The following PI4KA variants were observed in gnomAD, a reference collection of about 807,000 sequenced individuals.
PI4KA encodes the protein PI4-kinase alpha.
A neutral mutation model predicts 271.4 loss-of-function variants in PI4KA; 122 were observed. The observed-to-expected ratio is 0.45, with a 90% CI of 0.39 to 0.52. The LOEUF (loss-of-function observed/expected upper bound fraction) is 0.52, where lower values mean the gene tolerates loss of function less well. Among genes scored for constraint, PI4KA ranks in the 20% least tolerant of loss-of-function variants. PI4KA has a pLI of 0.00. For missense variants in PI4KA, 1,969 were observed against 2,769.1 expected, an observed-to-expected ratio of 0.71 and a Z score of 6.48; for synonymous variants, 1,041 against 1,078.8, an observed-to-expected ratio of 0.96 and a Z score of 0.69.
chr22:20,843,661 G>C (rs1925875379), intron 1 of PI4KA, among the ~76,000 whole-genome samples: 1 of 152,186 alleles, frequency 6.6e-6, no homozygotes, highest in Non-Finnish European at 1.5e-5. Flanking sequence ...GATGCAACCA[G>C]CAAACGTTCA....
chr22:20,729,842 T>G (rs756784242), intron 37 of PI4KA, 50 bp downstream of exon 37: 1 of 1,611,492 alleles, frequency 6.2e-7, no homozygotes, highest in East Asian at 2.2e-5. Flanking sequence ...AGCTTGCAAC[T>G]AGAATGATAG....
chr22:20,820,046 C>T (rs1922433326), intron 5 of PI4KA, 146 bp from the exon 6 acceptor site: 4 of 720,148 alleles, frequency 5.6e-6, no homozygotes, highest in Non-Finnish European at 9.2e-6. Flanking sequence ...ATAATGGGGT[C>T]CACCCCAAGG....
At chr22:20,805,193 T>G (rs1412920862) in intron 10 of PI4KA, 28 bp from the exon 11 acceptor site, 10 of 1,555,210 alleles carry the variant, frequency 6.4e-6, no homozygotes, top group Non-Finnish European at 8.9e-6. Flanking sequence ...GCATCACAGC[T>G]GGGAACAAAA....
rs1302187008 is a variant in PI4KA at position 20,747,433 on chromosome 22, T to C, written c.3363+150A>G. The C allele has an allele frequency of 8.6e-6, 6 of 697,434 alleles. No homozygotes were observed. In the East Asian group the frequency reaches 1.1e-4, roughly 13 times the overall value. 43.2% of individuals were successfully genotyped at this position (697,434 alleles called of 1,614,324 possible). ...CCTCTTCTTTGGGCCAAGGTGCGGC[T>C]TGCACCACTACCATTGTCAACAGAC... On this transcript the variant is annotated intron_variant, in intron 29 of 54. Transcript: ENST00000255882.
intron 22 of PI4KA, among the ~76,000 whole-genome samples, chr22:20,763,200 C>T (rs1932176177): frequency 6.6e-6 from 1 of 151,478 alleles, no homozygotes; most frequent in African/African-American, 2.4e-5. Flanking sequence ...GCAACCTCCA[C>T]CTCCTGGGTC....
chr22:20,818,019 G>T (rs1922073111), intron 7 of PI4KA, among the ~76,000 whole-genome samples: 1 of 152,118 alleles, frequency 6.6e-6, no homozygotes, highest in African/African-American at 2.4e-5. Context: ...CAGCTACTTG[G>T]GAGGCTGAGG....
intron 29 of PI4KA, among the ~76,000 whole-genome samples, chr22:20,746,154 C>T (rs1169615628): frequency 6.6e-6 from 1 of 150,738 alleles, no homozygotes; most frequent in Admixed American, 6.6e-5. Context: ...GCTCCGCCTC[C>T]CGGGTTCACA....
At chr22:20,817,866 T>A (rs1451756756) in intron 7 of PI4KA, among the ~76,000 whole-genome samples, 1 of 148,240 alleles carries the variant, frequency 6.7e-6, no homozygotes, top group African/African-American at 2.5e-5. Flanking sequence ...GGCTCATGCA[T>A]GTAATCCTAG....
chr22:20,770,054 A>C (rs922516623), intron 19 of PI4KA, among the ~76,000 whole-genome samples: 11 of 152,118 alleles, frequency 7.2e-5, no homozygotes, highest in African/African-American at 1.9e-4. Context: ...GTATGTATAC[A>C]TATTTTTTTT....
intron 7 of PI4KA, among the ~76,000 whole-genome samples, chr22:20,814,649 G>A (rs977178946): frequency 6.6e-6 from 1 of 151,840 alleles, no homozygotes; most frequent in Non-Finnish European, 1.5e-5. Flanking sequence ...TCAGGAAGCT[G>A]GAGCAGGAGG....
rs765515847 is a variant in PI4KA, at chr22:20,858,809, T to C, written c.-84A>G. 4 of 1,357,766 alleles carry C rather than the reference T, an allele frequency of 2.9e-6. No individual in the cohort carries two copies. Among genetic ancestry groups the C allele is most frequent in the South Asian group, 3.2e-5 (2 of 62,478 alleles). 84.1% of individuals were successfully genotyped at this position (1,357,766 alleles called of 1,614,324 possible). ...ACCTCAGGGCGCAGGCGTAGGTGCA[T>C]CCGGCTTTCCCGCCACGTGACCTCT... On this transcript the variant is annotated 5_prime_UTR_variant, in exon 1 of 55. An upstream start codon of the reference 5' UTR is lost. Coordinates refer to ENST00000255882, the MANE Select transcript of PI4KA (RefSeq NM_058004.4).
intron 1 of PI4KA, among the ~76,000 whole-genome samples, chr22:20,847,969 G>A (rs933686591): frequency 6.6e-6 from 1 of 152,158 alleles, no homozygotes; most frequent in African/African-American, 2.4e-5. Flanking sequence ...CGAGCACAGT[G>A]GCTCACGCCT....
intron 52 of PI4KA, 181 bp from the exon 53 acceptor site, chr22:20,710,178 C>T (rs1054559993): frequency 1.9e-4 from 127 of 654,818 alleles, no homozygotes; most frequent in Admixed American, 7.5e-4. Flanking sequence ...TAACCCATAC[C>T]GCCCAGGCAA....
At chr22:20,846,672 A>T (rs1357657403) in intron 1 of PI4KA, among the ~76,000 whole-genome samples, 1 of 151,470 alleles carries the variant, frequency 6.6e-6, no homozygotes, top group Non-Finnish European at 1.5e-5. Context: ...GTGAAACCCC[A>T]TCTCTACTAA....
In PI4KA at chr22:20,858,645, C is replaced by A; in HGVS notation, c.81G>T (p.Ser27=). 1 of 1,485,012 alleles carries A rather than the reference C, an allele frequency of 6.7e-7. No homozygotes were observed. Among genetic ancestry groups the A allele is most frequent in the Non-Finnish European group, 8.9e-7 (1 of 1,124,152 alleles). The allele number at this position is 1,485,012 out of a possible 1,614,324, so 92.0% of individuals were successfully genotyped here. A position where few individuals can be genotyped will look rare whatever the true frequency, so the allele number is the denominator to read the frequency against. Residue 27 remains serine (S), a synonymous_variant, in exon 1 of 55, where the codon TCG becomes TCT. Transcript: ENST00000255882. ...GGCSGSGSSA[S]RGFYFNTVLS... ...GGACCGTGTTGAAATAGAAGCCCCG[C>A]GAGGCGCTGGAGCCGGAGCCGGAGC...
In PI4KA at chr22:20,765,144, C is replaced by T. The variant is rs774945312; in HGVS notation, c.2530G>A (p.Val844Ile). 1.6e-5 allele frequency: 26 copies of T among 1,613,792 alleles called. No individual in the cohort carries two copies. The highest frequency in any genetic ancestry group is 5.0e-5 in the Admixed American group (3 of 59,976). ...TTCATGGCTGAGTTATACTGGAGGA[C>T]GGACCGCAGTGGCTCCTTGCTGGGA... is the stretch of plus-strand genomic sequence containing the variant. ...TFPSKEPLRS[V>I]LQYNSAMKND... Residue 844 changes from valine (V) to isoleucine (I), a missense_variant, in exon 21 of 55, where the codon GTC (valine) becomes ATC (isoleucine). Around this residue, in one of 13 missense-constraint regions of PI4KA, gnomAD observed 368 missense variants for 544.3 expected, o/e 0.68. Transcript: ENST00000255882.
intron 36 of PI4KA, among the ~76,000 whole-genome samples, chr22:20,731,155 C>A (rs58515109): frequency 0.024 from 3,618 of 151,906 alleles, 74 homozygotes; most frequent in Non-Finnish European, 0.036. Context: ...CTCTAGCCTG[C>A]GCGACAGAAT....
intron 47 of PI4KA, 33 bp from the exon 48 acceptor site, chr22:20,713,423 G>A: frequency 3.3e-6 from 5 of 1,518,610 alleles, no homozygotes; most frequent in Non-Finnish European, 3.6e-6. Context: ...CTGTTAGCCT[G>A]TAGGCAGTGA....
In PI4KA at chr22:20,727,318, G is replaced by T. The variant is rs371027841; in HGVS notation, c.4853C>A (p.Pro1618His). 2 of 1,613,410 alleles carry T rather than the reference G, an allele frequency of 1.2e-6. No homozygotes were observed. The highest frequency in any genetic ancestry group is 1.7e-6 in the Non-Finnish European group (2 of 1,179,982). ...GCTGGAGAAGTAGGAGAGGCCTGTG[G>T]GTGGGTCCGTGGGCGCCCAGCACAG... ...HVLCWAPTDP[P>H]TGLSYFSSMY... is the part of the protein sequence containing the mutation. The change falls in exon 41 of 55, where the codon CCC becomes CAC. Residue 1618 changes from proline to histidine, a missense_variant. By Grantham distance (77) the Pro-to-His change is moderately conservative. This residue lies in a region of PI4KA where 388 missense variants were observed against 521.5 expected (regional missense o/e 0.74). Coordinates refer to ENST00000255882, the MANE Select transcript of PI4KA (RefSeq NM_058004.4).
Sources: allele counts gnomAD v4.1 joint callset (sites outside exome capture counted in the v4.1 genomes callset), GRCh38; gene constraint gnomAD v4.1.1; regional missense constraint gnomAD v4.1.1; transcripts MANE v1.5; gene names NCBI Gene and HGNC (gene_info 2026-07-23, HGNC 2026-07-21).